Variants in NEDD4L observed in about 807,000 individuals in gnomAD.
NEDD4L encodes the protein NEDD4 like E3 ubiquitin protein ligase.
NEDD4L carries 54 observed loss-of-function variants against 148.9 expected under a neutral mutation model. The ratio of observed to expected loss-of-function variants is 0.36; its 90% confidence interval spans 0.29 to 0.45. The LOEUF (loss-of-function observed/expected upper bound fraction) is 0.45. Among genes scored for constraint, NEDD4L ranks in the 20% least tolerant of loss-of-function variants. NEDD4L has a pLI of 1.00. For missense variants in NEDD4L, 856 were observed against 1,233.8 expected (o/e 0.69, Z 4.59); for synonymous variants, 433 against 440.7 (o/e 0.98, Z 0.22).
At chr18:58,191,005 G>A (rs1040449533) in intron 2 of NEDD4L, among the ~76,000 whole-genome samples, 4 of 152,128 alleles carry the variant, frequency 2.6e-5, no homozygotes, top group Non-Finnish European at 4.4e-5. Context: ...CAGCTACTCA[G>A]GAAGCTGAGG....
chr18:58,133,027 T>G (rs2032370040), intron 1 of NEDD4L, among the ~76,000 whole-genome samples: 1 of 152,204 alleles, frequency 6.6e-6, no homozygotes, highest in East Asian at 1.9e-4. Flanking sequence ...CACTTTTCTC[T>G]GCAGATTTCA....
intron 1 of NEDD4L, among the ~76,000 whole-genome samples, chr18:58,079,418 G>C (rs1327731182): frequency 6.6e-6 from 1 of 152,170 alleles, no homozygotes; most frequent in Non-Finnish European, 1.5e-5. Flanking sequence ...CACTCACAGT[G>C]TACTTACTGC....
At chr18:58,343,737 A>C (rs940015050) in intron 16 of NEDD4L, among the ~76,000 whole-genome samples, 1 of 152,214 alleles carries the variant, frequency 6.6e-6, no homozygotes, top group Non-Finnish European at 1.5e-5. Flanking sequence ...TGTACATTGT[A>C]TTATCTTGAG....
At chr18:58,391,217 G>T (rs1477508698) in intron 29 of NEDD4L, among the ~76,000 whole-genome samples, 2 of 151,638 alleles carry the variant, frequency 1.3e-5, no homozygotes, top group African/African-American at 4.9e-5. Context: ...CAGCTGAGAG[G>T]CTGTAGCTGC....
chr18:58,055,841 C>T (rs368673675), intron 1 of NEDD4L, among the ~76,000 whole-genome samples: 3 of 152,158 alleles, frequency 2.0e-5, no homozygotes, highest in Non-Finnish European at 4.4e-5. Flanking sequence ...GGTTTGGGTT[C>T]TCTGAAATTT....
At chr18:58,190,962 T>C (rs1468946126) in intron 2 of NEDD4L, among the ~76,000 whole-genome samples, 1 of 152,006 alleles carries the variant, frequency 6.6e-6, no homozygotes, top group Admixed American at 6.6e-5. Context: ...TTTTAAAAGG[T>C]TAGCCAGACG....
chr18:58,385,776 C>T (rs1022899809), intron 26 of NEDD4L, among the ~76,000 whole-genome samples, 190 bp downstream of exon 26: 4 of 152,050 alleles, frequency 2.6e-5, no homozygotes, highest in East Asian at 1.9e-4. Context: ...GTTCAGCCAC[C>T]GTGCCGCCAC....
intron 5 of NEDD4L, among the ~76,000 whole-genome samples, chr18:58,305,085 C>T (rs866659898): frequency 6.6e-6 from 1 of 152,176 alleles, no homozygotes; most frequent in African/African-American, 2.4e-5. Flanking sequence ...ATCTGCATTC[C>T]GGGCCCAGGC....
chr18:58,173,110 T>A (rs8094712), intron 2 of NEDD4L, among the ~76,000 whole-genome samples: 12,179 of 152,276 alleles, frequency 0.08, 1,600 homozygotes, highest in African/African-American at 0.27. Flanking sequence ...TTTCAAACTC[T>A]TCTTTTTTCA....
At chr18:58,264,275 CA>C (rs1282246117) in intron 5 of NEDD4L, among the ~76,000 whole-genome samples, 2 of 152,076 alleles carry the variant, frequency 1.3e-5, no homozygotes, top group Non-Finnish European at 2.9e-5. Context: ...GCTAAGGACA[CA>C]GTGTGCCTCC....
intron 2 of NEDD4L, among the ~76,000 whole-genome samples, chr18:58,195,237 G>A (rs1299888095): frequency 1.3e-5 from 2 of 152,212 alleles, no homozygotes; most frequent in Admixed American, 6.5e-5. Flanking sequence ...GTATACACAC[G>A]TCTCATGGCA....
chr18:58,365,969 A>T (rs1330209264), intron 20 of NEDD4L, 30 bp from the exon 21 acceptor site: 5 of 1,476,096 alleles, frequency 3.4e-6, no homozygotes, highest in Non-Finnish European at 3.7e-6. Context: ...TTACTGTATG[A>T]TTATGTGTTT....
rs58608106 is a variant in NEDD4L, at chr18:58,063,949, C to CT, written c.48+19274dup. 7.5e-4 allele frequency among the ~76,000 whole-genome samples: 97 copies of CT among 129,782 alleles called. 1 individual carries two copies. The highest frequency in any genetic ancestry group is 1.2e-3 in the Non-Finnish European group (74 of 61,468). 85.1% of individuals were successfully genotyped at this position (129,782 alleles called of 152,430 possible). On this transcript the variant is annotated intron_variant, in intron 1 of 30. Transcript: ENST00000400345. ...TTGCCTTATTTTTACTATAATGTTT[C>CT]TTTTTTTTTTTTTTTTTTTTTTTTT...
intron 2 of NEDD4L, among the ~76,000 whole-genome samples, chr18:58,191,869 G>T (rs1296655041): frequency 6.6e-6 from 1 of 152,114 alleles, no homozygotes. Flanking sequence ...TGCTGACAAG[G>T]TACATGGTAC....
Position 58,342,900 on chromosome 18 carries a change from CT to C in NEDD4L, c.1378-3del. ...AAGAGTTCTAATCCTCATTGTTATT[CT>C]TTAGGGTGCCAAGGACTCACCCGTA... On this transcript the variant is annotated splice_polypyrimidine_tract_variant and splice_region_variant and intron_variant, in intron 15 of 30. Coordinates refer to ENST00000400345, the MANE Select transcript of NEDD4L (RefSeq NM_001144967.3). 6.3e-7 allele frequency: 1 copy of C among 1,595,074 alleles called. No individual in the cohort carries two copies. Among genetic ancestry groups the C allele is most frequent in the Non-Finnish European group, 8.5e-7 (1 of 1,170,256 alleles).
chr18:58,219,165 C>T (rs376595233), intron 2 of NEDD4L, among the ~76,000 whole-genome samples: 5 of 152,190 alleles, frequency 3.3e-5, no homozygotes, highest in African/African-American at 1.2e-4. Context: ...GGGAAAATGA[C>T]ATAGGTGGCA....
chr18:58,248,330 T>G (rs1396451561), intron 3 of NEDD4L, among the ~76,000 whole-genome samples: 7 of 152,230 alleles, frequency 4.6e-5, no homozygotes, highest in Non-Finnish European at 8.8e-5. Flanking sequence ...AGAGGAAGAC[T>G]GAAGGATAAG....
Position 58,256,671 on chromosome 18 carries a change from A to C in NEDD4L, c.297+4617A>C. On this transcript the variant is annotated intron_variant, in intron 5 of 30. Transcript: ENST00000400345. The surrounding 1 kb of genome is among the most constrained non-coding windows in gnomAD (Gnocchi z 5.2). ...ATCAGGCAGGATCAGAACGCGGGGC[A>C]GCAGCATTTTAGAATTCTTGTAACC... The C allele has an allele frequency of 8.1e-7, 1 of 1,232,228 alleles. No homozygotes were observed. The allele number at this position is 1,232,228 out of a possible 1,614,324, so 76.3% of individuals were successfully genotyped here. A position where few individuals can be genotyped will look rare whatever the true frequency, so the allele number is the denominator to read the frequency against.
chr18:58,125,358 GGTGTGTGTGTGTGTGT>G (rs34644275), intron 1 of NEDD4L, among the ~76,000 whole-genome samples: 2 of 148,712 alleles, frequency 1.3e-5, no homozygotes, highest in African/African-American at 2.5e-5. Flanking sequence ...CCACCAGGAG[GGTGTGTGTGTGTGTGT>G]GTGTGTGTGT....
Sources: gnomAD v4.1 joint callset for allele counts (sites outside exome capture counted in the v4.1 genomes callset) on GRCh38, gnomAD v4.1.1 for gene constraint, Gnocchi (gnomAD v3.1) non-coding constraint, MANE v1.5 for transcripts, NCBI Gene and HGNC (gene_info 2026-07-23, HGNC 2026-07-21) for gene names.